DNAH17: variants seen among roughly 807,000 people sequenced by gnomAD.
DNAH17 encodes axonemal beta dynein heavy chain 17.
DNAH17 carries 376 observed loss-of-function variants against 485.6 expected under a neutral mutation model. That is an observed-to-expected ratio of 0.77 (90% CI 0.71 to 0.84). The LOEUF is 0.84. Among genes scored for constraint, DNAH17 ranks in the 40% least tolerant of loss-of-function variants. The probability of loss-of-function intolerance (pLI) is 0.00; values close to 1 mark genes in which losing one functional copy is unlikely to be tolerated. For missense variants in DNAH17, 6,370 were observed against 5,839.3 expected, an observed-to-expected ratio of 1.09 and a Z score of -2.96; for synonymous variants, 3,031 against 2,405.9, an observed-to-expected ratio of 1.26 and a Z score of -7.60.
intron 11 of DNAH17, among the ~76,000 whole-genome samples, chr17:78,563,966 T>A (rs1210104790): frequency 6.6e-6 from 1 of 151,778 alleles, no homozygotes. Context: ...TACGTGAAAA[T>A]TTTTAAAAAG....
chr17:78,454,325 G>A, intron 64 of DNAH17, 145 bp downstream of exon 64: 1 of 631,000 alleles, frequency 1.6e-6, no homozygotes, highest in South Asian at 1.9e-5. Flanking sequence ...CTTTACTACT[G>A]CTGCTGTTCC....
At chr17:78,501,460 C>T (rs2090286447) in intron 34 of DNAH17, 116 bp from the exon 35 acceptor site, 1 of 1,258,920 alleles carries the variant, frequency 7.9e-7, no homozygotes, top group Non-Finnish European at 1.1e-6. Flanking sequence ...CCCTCCCTGG[C>T]CCTCTTTCCC....
intron 75 of DNAH17, among the ~76,000 whole-genome samples, chr17:78,431,013 T>A (rs1403479352): frequency 2.0e-5 from 3 of 148,460 alleles, no homozygotes; most frequent in African/African-American, 7.5e-5. Context: ...CCCAAGTAGC[T>A]GGGCCTACAG....
chr17:78,438,380 A>G, intron 73 of DNAH17, among the ~76,000 whole-genome samples: 1 of 84,380 alleles, frequency 1.2e-5, no homozygotes, highest in Non-Finnish European at 2.4e-5. Context: ...TGCAGAGAGC[A>G]TCTCCTGGGC....
At position 78,460,236 on chromosome 17, in the gene DNAH17, C is replaced by T; in HGVS notation, c.9361G>A (p.Ala3121Thr). 10 of 1,603,254 alleles carry T rather than the reference C, an allele frequency of 6.2e-6. No homozygotes were observed. The highest frequency in any genetic ancestry group is 1.3e-5 in the African/African-American group (1 of 74,926). Residue 3121 changes from alanine to threonine, a missense_variant, in exon 59 of 81, where the codon GCC becomes ACC. By Grantham distance (58) the Ala-to-Thr change is moderately conservative. Transcript: ENST00000389840. ...INKNVTEKQK[A>T]CETDLAKAEP... The stretch of plus-strand genomic sequence containing the variant: ...GCTTTGGCCAGGTCTGTTTCACAGG[C>T]CTTTTGCTTCTCAGTGACGTTCTGG...
chr17:78,424,749 G>C (rs2086347907), intron 80 of DNAH17, among the ~76,000 whole-genome samples: 1 of 152,366 alleles, frequency 6.6e-6, no homozygotes, highest in East Asian at 1.9e-4. Context: ...AGCTGTTGAA[G>C]GGGACAGGTA....
chr17:78,492,427 C>G (rs2089901816), intron 42 of DNAH17, among the ~76,000 whole-genome samples: 3 of 152,170 alleles, frequency 2.0e-5, no homozygotes, highest in African/African-American at 7.2e-5. Flanking sequence ...CCTGTGGCCC[C>G]CATTCCTTAT....
At chr17:78,525,417 T>A (rs965910578) in intron 24 of DNAH17, among the ~76,000 whole-genome samples, 1 of 152,246 alleles carries the variant, frequency 6.6e-6, no homozygotes, top group African/African-American at 2.4e-5. Context: ...ATGGGCATGG[T>A]AAATGCCTCA....
intron 14 of DNAH17, among the ~76,000 whole-genome samples, chr17:78,554,436 CAAAAAAAAAAAAAAAAAA>C (rs55701739): frequency 1.1e-3 from 36 of 32,238 alleles, no homozygotes; most frequent in Admixed American, 2.6e-3. Context: ...GACTCTGTCT[CAAAAAAAAAAAAAAAAAA>C]AAAAAAAAAA....
intron 17 of DNAH17, among the ~76,000 whole-genome samples, chr17:78,541,734 C>T (rs2091594775): frequency 6.6e-6 from 1 of 152,102 alleles, no homozygotes. Context: ...TCCTCGCCTG[C>T]CCTCTTGCTA....
chr17:78,461,498 C>T, intron 58 of DNAH17, 46 bp downstream of exon 58: 1 of 1,488,344 alleles, frequency 6.7e-7, no homozygotes, highest in Non-Finnish European at 8.9e-7. Context: ...GAGGCCTGGC[C>T]AGTGCAGCAG....
chr17:78,481,708 C>T (rs897407957), intron 48 of DNAH17, among the ~76,000 whole-genome samples: 1 of 152,168 alleles, frequency 6.6e-6, no homozygotes. Flanking sequence ...TTATTAATGG[C>T]TGCTATTATT....
chr17:78,545,520 C>T (rs2091736238), intron 16 of DNAH17, among the ~76,000 whole-genome samples: 2 of 152,070 alleles, frequency 1.3e-5, no homozygotes, highest in Non-Finnish European at 2.9e-5. Flanking sequence ...GGCGGAGGGG[C>T]AGAGTGAGCT....
chr17:78,533,481 A>G (rs1193785428), intron 19 of DNAH17, among the ~76,000 whole-genome samples: 1 of 152,136 alleles, frequency 6.6e-6, no homozygotes, highest in African/African-American at 2.4e-5. Context: ...GGGGAACTAA[A>G]GGAAGTCTAC....
intron 25 of DNAH17, among the ~76,000 whole-genome samples, chr17:78,517,059 GAC>G (rs2090806388): frequency 1.3e-5 from 2 of 152,124 alleles, no homozygotes; most frequent in Non-Finnish European, 2.9e-5. Flanking sequence ...TTGTTTTTGA[GAC>G]AGAGTCTCAC....
chr17:78,505,334 C>A lies in DNAH17; in HGVS notation c.4915G>T (p.Glu1639Ter), dbSNP rs768586788. The change falls in exon 31 of 81, where the codon GAG becomes TAG. Residue 1639 changes from glutamate (E) to a stop codon, truncating the protein, a stop_gained. Transcript: ENST00000389840. LOFTEE classifies it high-confidence loss of function. ...VGLGMYSKEDEYMVFDQECDL... is the reference protein window; with the variant it reads ...VGLGMYSKED ...CATTCCTGATCAAAAACCATGTACT[C>A]GTCCTCCTTGCTGTACATTCCCAGG... is the stretch of plus-strand genomic sequence containing the variant. 1 of 1,613,960 alleles carries A rather than the reference C, an allele frequency of 6.2e-7. No individual in the cohort carries two copies. Among genetic ancestry groups the A allele is most frequent in the Non-Finnish European group, 8.5e-7 (1 of 1,179,890 alleles).
intron 3 of DNAH17, 36 bp from the exon 4 acceptor site, chr17:78,571,818 C>A: frequency 6.5e-7 from 1 of 1,537,538 alleles, no homozygotes; most frequent in Non-Finnish European, 8.8e-7. Context: ...GCTCTCATGG[C>A]GACACACACG....
chr17:78,454,426 C>T (rs1350308659), intron 64 of DNAH17, 44 bp downstream of exon 64: 4 of 1,531,068 alleles, frequency 2.6e-6, no homozygotes, highest in Non-Finnish European at 3.6e-6. Flanking sequence ...GGCGTGCTTC[C>T]AAGCAGAGCC....
intron 44 of DNAH17, among the ~76,000 whole-genome samples, chr17:78,487,150 G>A (rs957312190): frequency 1.3e-4 from 20 of 152,304 alleles, no homozygotes; most frequent in Middle Eastern, 3.4e-3. Context: ...CCACCACGGC[G>A]GTGAGGGGTG....
Sources: gnomAD v4.1 joint callset for allele counts (sites outside exome capture counted in the v4.1 genomes callset) on GRCh38, gnomAD v4.1.1 for gene constraint, MANE v1.5 for transcripts, NCBI Gene and HGNC (gene_info 2026-07-23, HGNC 2026-07-21) for gene names.